TRIM9: variants seen among roughly 807,000 people sequenced by gnomAD.
TRIM9 encodes tripartite motif containing 9.
Under a neutral mutation model 78.3 loss-of-function variants are expected in TRIM9, and 26 were observed. The ratio of observed to expected loss-of-function variants is 0.33; its 90% confidence interval spans 0.24 to 0.46. The LOEUF (loss-of-function observed/expected upper bound fraction) is 0.46. TRIM9 is among the 20% of genes least tolerant of loss of function. The pLI, the probability that TRIM9 is intolerant of heterozygous loss-of-function variation, is 1.00. For synonymous variants in TRIM9, 398 were observed against 416.5 expected (o/e 0.96, Z 0.54); for missense variants, 787 against 1,036.4 (o/e 0.76, Z 3.30).
At chr14:51,007,769 A>T (rs2139604357) in intron 5 of TRIM9, among the ~76,000 whole-genome samples, 1 of 151,598 alleles carries the variant, frequency 6.6e-6, no homozygotes, top group African/African-American at 2.4e-5. Flanking sequence ...AAATTTTTGA[A>T]GCCATCTTCC....
At chr14:51,077,524 G>A (rs1309604838) in intron 1 of TRIM9, among the ~76,000 whole-genome samples, 1 of 150,584 alleles carries the variant, frequency 6.6e-6, no homozygotes, top group Non-Finnish European at 1.5e-5. Flanking sequence ...TCTCCAAGTA[G>A]CTGGGACTAC....
intron 1 of TRIM9, among the ~76,000 whole-genome samples, chr14:51,082,639 GT>G (rs1461918402): frequency 1.3e-5 from 2 of 152,116 alleles, no homozygotes; most frequent in African/African-American, 4.8e-5. Context: ...AATAGTTGAG[GT>G]TTCTTTTTGG....
At chr14:51,037,418 C>T (rs1287468023) in intron 1 of TRIM9, among the ~76,000 whole-genome samples, 1 of 151,878 alleles carries the variant, frequency 6.6e-6, no homozygotes, top group Non-Finnish European at 1.5e-5. Flanking sequence ...ACCTAGACCC[C>T]TGATAAAAAC....
intron 7 of TRIM9, among the ~76,000 whole-genome samples, chr14:50,994,207 A>G (rs973299480): frequency 3.9e-5 from 6 of 152,168 alleles, no homozygotes; most frequent in Admixed American, 6.5e-5. Context: ...GGAGTTTGAG[A>G]CAAACCTGGG....
chr14:51,009,544 A>G (rs2056298851), intron 4 of TRIM9, among the ~76,000 whole-genome samples: 1 of 152,262 alleles, frequency 6.6e-6, no homozygotes, highest in African/African-American at 2.4e-5. Context: ...ACAACTTTAA[A>G]GGATGGTATG....
chr14:51,092,198 C>A (rs1411989641), intron 1 of TRIM9, among the ~76,000 whole-genome samples: 1 of 152,146 alleles, frequency 6.6e-6, no homozygotes, highest in South Asian at 2.1e-4. Context: ...AATTAAATGT[C>A]ATTTTCAAAA....
At chr14:51,060,982 T>C (rs1596292837) in intron 1 of TRIM9, among the ~76,000 whole-genome samples, 1 of 152,264 alleles carries the variant, frequency 6.6e-6, no homozygotes, top group Non-Finnish European at 1.5e-5. Flanking sequence ...TTTAATAAGT[T>C]ATATAAAATG....
intron 12 of TRIM9, chr14:50,979,015 A>C: frequency 2.4e-6 from 3 of 1,246,578 alleles, no homozygotes; most frequent in Non-Finnish European, 3.0e-6. Flanking sequence ...TTACACCCTC[A>C]CCTCTTCTCA....
At chr14:51,015,257 G>A (rs548142532) in intron 3 of TRIM9, among the ~76,000 whole-genome samples, 3 of 152,016 alleles carry the variant, frequency 2.0e-5, no homozygotes, top group Non-Finnish European at 4.4e-5. Flanking sequence ...ACAATACACA[G>A]GTAAAATTTT....
At chr14:51,065,189 T>C (rs2061639854) in intron 1 of TRIM9, among the ~76,000 whole-genome samples, 1 of 152,186 alleles carries the variant, frequency 6.6e-6, no homozygotes, top group Non-Finnish European at 1.5e-5. Context: ...TATATGTACA[T>C]GTGGGCACGT....
At chr14:51,032,027 T>C (rs1049215285) in intron 1 of TRIM9, among the ~76,000 whole-genome samples, 2 of 152,232 alleles carry the variant, frequency 1.3e-5, no homozygotes, top group Non-Finnish European at 2.9e-5. Flanking sequence ...TTCTTTGTTG[T>C]TAGACTTGCA....
chr14:51,025,273 G>T lies in TRIM9; in HGVS notation c.910C>A (p.Gln304Lys). 1 of 1,614,152 alleles carries T rather than the reference G, an allele frequency of 6.2e-7. No individual in the cohort carries two copies. Residue 304 changes from glutamine (Q) to lysine (K), a missense_variant, in exon 2 of 13, where the codon CAG becomes AAG. Gln to Lys is a moderately conservative substitution (Grantham distance 53). Transcript: ENST00000684578. ...FLVQLRNMVQQIQENSVEFEA... is the reference protein window; with the variant it reads ...FLVQLRNMVQKIQENSVEFEA... ...CCAGGTAACACCCATACCTGGATCT[G>T]CTGGACCATGTTGCGCAGCTGTACC...
intron 7 of TRIM9, among the ~76,000 whole-genome samples, chr14:50,994,271 G>T (rs1427015934): frequency 6.6e-6 from 1 of 152,196 alleles, no homozygotes; most frequent in Non-Finnish European, 1.5e-5. Flanking sequence ...GCCAGACATG[G>T]TGGCACATGC....
At chr14:51,005,656 G>A (rs549463048) in intron 5 of TRIM9, among the ~76,000 whole-genome samples, 1 of 152,156 alleles carries the variant, frequency 6.6e-6, no homozygotes, top group Admixed American at 6.5e-5. Flanking sequence ...AGTGGAAAAT[G>A]TTTTTTTAAT....
rs1357740545 is a variant in TRIM9 at position 50,976,344 on chromosome 14, C to A, written c.*947G>T. On this transcript the variant is annotated 3_prime_UTR_variant, in exon 13 of 13. Coordinates refer to ENST00000684578, the MANE Select transcript of TRIM9 (RefSeq NM_001387360.1). ...AGCCTGAAAGATCTTGCCCATGAGTCTCTTTGACCCTTGCCCATTTCCTTT... is the reference window on the plus strand; with the variant it reads ...AGCCTGAAAGATCTTGCCCATGAGTATCTTTGACCCTTGCCCATTTCCTTT... 1 of 152,234 alleles carries A rather than the reference C, an allele frequency of 6.6e-6. No homozygotes were observed. Among genetic ancestry groups the A allele is most frequent in the Non-Finnish European group, 1.5e-5 (1 of 68,026 alleles). The allele number at this position is 152,234 out of a possible 1,614,324, so 9.4% of individuals were successfully genotyped here. A position where few individuals can be genotyped will look rare whatever the true frequency, so the allele number is the denominator to read the frequency against.
intron 1 of TRIM9, among the ~76,000 whole-genome samples, chr14:51,064,144 T>C (rs2140178773): frequency 6.6e-6 from 1 of 152,076 alleles, no homozygotes; most frequent in South Asian, 2.1e-4. Context: ...GTATGTTAGC[T>C]GTAGGCAGAC....
At chr14:51,093,730 C>T (rs536743371) in intron 1 of TRIM9, among the ~76,000 whole-genome samples, 1 of 152,362 alleles carries the variant, frequency 6.6e-6, no homozygotes, top group East Asian at 1.9e-4. Context: ...TCGCAGCCCG[C>T]CCTGCCCTCG....
chr14:51,050,016 AT>A (rs1566615794), intron 1 of TRIM9, among the ~76,000 whole-genome samples: 1 of 152,074 alleles, frequency 6.6e-6, no homozygotes, highest in Non-Finnish European at 1.5e-5. Flanking sequence ...TAGGCAAGAA[AT>A]TTTGGAAGTA....
intron 1 of TRIM9, among the ~76,000 whole-genome samples, chr14:51,088,610 G>T (rs894481264): frequency 6.6e-6 from 1 of 151,192 alleles, no homozygotes; most frequent in African/African-American, 2.4e-5. Flanking sequence ...GTTCTTAAAA[G>T]TGTCATCACT....
Sources: gnomAD v4.1 joint callset for allele counts (sites outside exome capture counted in the v4.1 genomes callset) on GRCh38, gnomAD v4.1.1 for gene constraint, MANE v1.5 for transcripts, NCBI Gene and HGNC (gene_info 2026-07-23, HGNC 2026-07-21) for gene names.